MYO7B: variants seen among roughly 807,000 people sequenced by gnomAD.
MYO7B encodes the protein unconventional myosin-VIIb.
MYO7B carries 212 observed loss-of-function variants against 259.7 expected under a neutral mutation model. The ratio of observed to expected loss-of-function variants is 0.82; its 90% CI spans 0.73 to 0.91. The LOEUF (loss-of-function observed/expected upper bound fraction) is 0.91. Among genes scored for constraint, MYO7B ranks in the 40% least tolerant of loss-of-function variants. The probability of loss-of-function intolerance (pLI) is 0.00; values close to 1 mark genes in which losing one functional copy is unlikely to be tolerated. For missense variants in MYO7B, 2,732 were observed against 2,813.5 expected (o/e 0.97, Z 0.66); for synonymous variants, 1,197 against 1,166.4 (o/e 1.03, Z -0.54).
intron 1 of MYO7B, among the ~76,000 whole-genome samples, chr2:127,543,716 C>G (rs1693098763): frequency 1.3e-5 from 2 of 150,926 alleles, no homozygotes; most frequent in South Asian, 4.2e-4. Context: ...TATATATCCT[C>G]TCTCTCTCTG....
intron 1 of MYO7B, among the ~76,000 whole-genome samples, chr2:127,536,680 G>A (rs1015602539): frequency 6.6e-6 from 1 of 152,152 alleles, no homozygotes; most frequent in Non-Finnish European, 1.5e-5. Flanking sequence ...TCCATGACGA[G>A]GCCTCCCCTT....
chr2:127,630,653 C>T, intron 35 of MYO7B, 125 bp from the exon 36 acceptor site: 1 of 1,377,806 alleles, frequency 7.3e-7, no homozygotes, highest in Non-Finnish European at 9.9e-7. Flanking sequence ...TGGGTAAGCC[C>T]TGGCCTGTTC....
At chr2:127,632,116 T>G in intron 38 of MYO7B, 130 bp from the exon 39 acceptor site, 1 of 1,104,984 alleles carries the variant, frequency 9.0e-7, no homozygotes, top group East Asian at 2.6e-5. Flanking sequence ...TGGTGCAGCC[T>G]GGCAGGTGCC....
chr2:127,558,337 C>A (rs537822137), intron 1 of MYO7B, among the ~76,000 whole-genome samples: 46 of 152,104 alleles, frequency 3.0e-4, no homozygotes, highest in African/African-American at 1.0e-3. Flanking sequence ...ATTAAAAAAT[C>A]AAAAAATAAA....
At position 127,566,782 on chromosome 2, in the gene MYO7B, A is replaced by T. The variant is rs760270386; in HGVS notation, c.425A>T (p.Tyr142Phe). ...PHVFAIANNC[Y>F]FSMKRNKRDQ... ...GTCTTTGCCATCGCCAACAACTGCT[A>T]CTTCAGCATGAAGAGGAACAAGAGG... Residue 142 changes from tyrosine to phenylalanine, a missense_variant, in exon 5 of 48, where the codon TAC (tyrosine) becomes TTC (phenylalanine). Transcript: ENST00000409816. The T allele has an allele frequency of 6.2e-7, 1 of 1,612,434 alleles. No homozygotes were observed. The highest frequency in any genetic ancestry group is 1.1e-5 in the South Asian group (1 of 91,084).
At position 127,627,149 on chromosome 2, in the gene MYO7B, C is replaced by T. The variant is rs763934070; in HGVS notation, c.4334-35C>T. 4 of 1,603,844 alleles carry T rather than the reference C, an allele frequency of 2.5e-6. No homozygotes were observed. The highest frequency in any genetic ancestry group is 3.4e-6 in the Non-Finnish European group (4 of 1,175,434). ...GTATGGGCTGGGCACCCAGGGGTCC[C>T]ATGCAGCCTTCACACTGCCGTCTCT... On this transcript the variant is annotated intron_variant, in intron 32 of 47. Transcript: ENST00000409816. This position sits in a 1 kb window ranked among gnomAD's most constrained non-coding sequence, Gnocchi z 5.6.
In MYO7B at chr2:127,636,702, T is replaced by G; in HGVS notation, c.6207+74T>G. On this transcript the variant is annotated intron_variant, in intron 46 of 47. Coordinates refer to ENST00000409816, the MANE Select transcript of MYO7B (RefSeq NM_001393586.1). The surrounding 1 kb of genome is among the most constrained non-coding windows in gnomAD (Gnocchi z 4.5). ...CTGTGCAGGTGGGGCTGCAGTCATC[T>G]CTGCGGTGTGTCCTGCCTCTCTCCT... The G allele has an allele frequency of 2.5e-6, 4 of 1,609,188 alleles. No homozygotes were observed. The highest frequency in any genetic ancestry group is 3.4e-6 in the Non-Finnish European group (4 of 1,177,446).
At chr2:127,558,182 G>A (rs1257186196) in intron 1 of MYO7B, among the ~76,000 whole-genome samples, 2 of 152,074 alleles carry the variant, frequency 1.3e-5, no homozygotes, top group African/African-American at 4.8e-5. Flanking sequence ...CAAAAAGTGG[G>A]CTAAGGTTAT....
intron 9 of MYO7B, among the ~76,000 whole-genome samples, chr2:127,579,506 C>G (rs991945513): frequency 1.3e-5 from 2 of 152,170 alleles, no homozygotes; most frequent in East Asian, 3.8e-4. Context: ...CCTGGGACAG[C>G]ATCAGAAACA....
At chr2:127,581,667 C>T (rs1204641503) in intron 10 of MYO7B, among the ~76,000 whole-genome samples, 1 of 152,144 alleles carries the variant, frequency 6.6e-6, no homozygotes, top group Non-Finnish European at 1.5e-5. Context: ...GGAGCCAGCC[C>T]CTTTCTCAGC....
Position 127,590,662 on chromosome 2 carries a change from C to T in MYO7B, c.1992+433C>T, listed in dbSNP as rs920740939. Among the ~76,000 whole-genome samples the T allele has an allele frequency of 1.3e-5, 2 of 152,226 alleles. No individual in the cohort carries two copies. The highest frequency in any genetic ancestry group is 4.8e-5 in the African/African-American group (2 of 41,454). On this transcript the variant is annotated intron_variant, in intron 16 of 47. Transcript: ENST00000409816. This position sits in a 1 kb window ranked among gnomAD's most constrained non-coding sequence, Gnocchi z 4.6. The stretch of plus-strand genomic sequence containing the variant: ...AGGCTGACACCACTCCTTTCACCAG[C>T]CCTGCAGACAGTCAGCTTTACCTGC...
chr2:127,632,769 G>A (rs1427187626), intron 39 of MYO7B, among the ~76,000 whole-genome samples: 3 of 151,734 alleles, frequency 2.0e-5, no homozygotes, highest in East Asian at 3.8e-4. Context: ...CCACAGCCGT[G>A]AAGCTCTTCC....
At chr2:127,588,072 A>G (rs892920080) in intron 14 of MYO7B, among the ~76,000 whole-genome samples, 8 of 152,154 alleles carry the variant, frequency 5.3e-5, no homozygotes, top group Admixed American at 6.5e-5. Flanking sequence ...TGGAGGCTGC[A>G]TCTGTTTTTA....
chr2:127,634,496 C>T (rs984504408), intron 41 of MYO7B, 100 bp from the exon 42 acceptor site: 2 of 1,110,814 alleles, frequency 1.8e-6, no homozygotes, highest in African/African-American at 1.6e-5. Flanking sequence ...TCCAGCGCAG[C>T]ACCCAGGCCG....
chr2:127,633,618 G>A (rs1315025813), intron 40 of MYO7B, among the ~76,000 whole-genome samples: 1 of 152,208 alleles, frequency 6.6e-6, no homozygotes, highest in East Asian at 1.9e-4. Context: ...AGAGGGGTGG[G>A]CAGCAAGGGT....
At chr2:127,625,224 C>T (rs1330374353) in intron 30 of MYO7B, 144 bp from the exon 31 acceptor site, 4 of 948,888 alleles carry the variant, frequency 4.2e-6, no homozygotes, top group Admixed American at 3.4e-5. Flanking sequence ...TCAGGGCATG[C>T]AGGGAGGGGG....
Position 127,629,845 on chromosome 2 carries a change from T to C in MYO7B, c.4806+19T>C. ...GCTGCTGGTAACTGGCACGCTCCCC[T>C]GTCCTCAGCCTGGGTACCCGAGGTC... On this transcript the variant is annotated intron_variant, in intron 35 of 47. Coordinates refer to ENST00000409816, the MANE Select transcript of MYO7B (RefSeq NM_001393586.1). The C allele has an allele frequency of 1.3e-6, 2 of 1,536,614 alleles. No homozygotes were observed. Among genetic ancestry groups the C allele is most frequent in the Non-Finnish European group, 8.8e-7 (1 of 1,139,536 alleles).
At chr2:127,604,952 T>C (rs1254411142) in intron 19 of MYO7B, among the ~76,000 whole-genome samples, 1 of 152,216 alleles carries the variant, frequency 6.6e-6, no homozygotes, top group East Asian at 1.9e-4. Flanking sequence ...CAAAACGTTA[T>C]ACAGACATGA....
intron 15 of MYO7B, among the ~76,000 whole-genome samples, chr2:127,589,613 C>T (rs191294518): frequency 7.7e-4 from 35 of 45,416 alleles, no homozygotes; most frequent in African/African-American, 2.5e-3. Context: ...ATGGGTGGTG[C>T]GTGGGTGGAT....
Sources: gnomAD v4.1 joint callset for allele counts (sites outside exome capture counted in the v4.1 genomes callset) on GRCh38, gnomAD v4.1.1 for gene constraint, Gnocchi (gnomAD v3.1) non-coding constraint, MANE v1.5 for transcripts, NCBI Gene and HGNC (gene_info 2026-07-23, HGNC 2026-07-21) for gene names.